The following DEFB123 variants were observed in gnomAD, a reference collection of about 807,000 sequenced individuals.
DEFB123 encodes the protein beta-defensin 123.
For missense variants in DEFB123, 71 were observed against 75.0 expected (o/e 0.95, Z 0.20); for synonymous variants, 22 against 28.3 (o/e 0.78, Z 0.71).
intron 1 of DEFB123, among the ~76,000 whole-genome samples, chr20:31,446,532 A>C (rs1462776325): frequency 6.6e-6 from 1 of 152,232 alleles, no homozygotes; most frequent in Non-Finnish European, 1.5e-5. Context: ...AGGGTTTCTC[A>C]GCACTTTGTT....
intron 1 of DEFB123, among the ~76,000 whole-genome samples, chr20:31,448,176 A>C (rs893584881): frequency 4.0e-5 from 6 of 151,866 alleles, no homozygotes; most frequent in African/African-American, 1.2e-4. Context: ...CAGCCTCCCA[A>C]AGTGCTGGGA....
intron 1 of DEFB123, among the ~76,000 whole-genome samples, chr20:31,449,767 C>CAAAAAAAAAAAAAAAAAAAAAAAAAAAAA: frequency 1.9e-5 from 1 of 52,486 alleles, no homozygotes; most frequent in Non-Finnish European, 4.0e-5. Flanking sequence ...AGACTCATCT[C>CAAAAAAAAAAAAAAAAAAAAAAAAAAAAA]AAAAAAAAAA....
At chr20:31,447,617 T>G (rs1024479815) in intron 1 of DEFB123, among the ~76,000 whole-genome samples, 1 of 141,012 alleles carries the variant, frequency 7.1e-6, no homozygotes, top group African/African-American at 2.8e-5. Flanking sequence ...TCTGTGTTGG[T>G]TTTTTTTTTT....
At chr20:31,441,637 G>A (rs973606204) in intron 1 of DEFB123, among the ~76,000 whole-genome samples, 4 of 152,144 alleles carry the variant, frequency 2.6e-5, no homozygotes, top group African/African-American at 7.2e-5. Flanking sequence ...ATTCCAGCAT[G>A]AGCCACCTAT....
At chr20:31,448,052 C>T (rs1600553850) in intron 1 of DEFB123, among the ~76,000 whole-genome samples, 1 of 152,056 alleles carries the variant, frequency 6.6e-6, no homozygotes, top group Non-Finnish European at 1.5e-5. Context: ...TCCCAAAGTG[C>T]TGGGATTACA....
At chr20:31,447,284 TAAAA>T (rs1437467759) in intron 1 of DEFB123, among the ~76,000 whole-genome samples, 1 of 151,910 alleles carries the variant, frequency 6.6e-6, no homozygotes, top group Non-Finnish European at 1.5e-5. Context: ...ATAATAAAAA[TAAAA>T]ATAAATAAAT....
At chr20:31,442,637 G>C (rs543821039) in intron 1 of DEFB123, among the ~76,000 whole-genome samples, 5 of 120,276 alleles carry the variant, frequency 4.2e-5, no homozygotes, top group Non-Finnish European at 6.4e-5. Context: ...GTCTTGCTCT[G>C]TCACCCAGGC....
chr20:31,443,349 T>G (rs1398436783), intron 1 of DEFB123, among the ~76,000 whole-genome samples: 1 of 152,188 alleles, frequency 6.6e-6, no homozygotes, highest in Non-Finnish European at 1.5e-5. Context: ...GGGGACCTTC[T>G]GGGTCTATTT....
intron 1 of DEFB123, 116 bp from the exon 2 acceptor site, chr20:31,449,913 G>T: frequency 7.6e-7 from 1 of 1,308,312 alleles, no homozygotes; most frequent in Non-Finnish European, 1.0e-6. Context: ...AGAGTCAAAG[G>T]CAAGGGAAAC....
At chr20:31,445,129 A>G (rs1044349620) in intron 1 of DEFB123, among the ~76,000 whole-genome samples, 10 of 152,208 alleles carry the variant, frequency 6.6e-5, no homozygotes, top group Non-Finnish European at 1.5e-4. Context: ...GTAAAATTCA[A>G]TGTGTTCCTC....
intron 1 of DEFB123, among the ~76,000 whole-genome samples, chr20:31,449,636 C>T (rs1002871271): frequency 1.3e-5 from 2 of 151,922 alleles, no homozygotes; most frequent in African/African-American, 4.8e-5. Context: ...GGCATAGTGG[C>T]ACATGTCTGT....
intron 1 of DEFB123, among the ~76,000 whole-genome samples, chr20:31,446,501 A>C (rs1180505045): frequency 1.3e-5 from 2 of 152,200 alleles, no homozygotes; most frequent in African/African-American, 4.8e-5. Flanking sequence ...AAAGTTTCCG[A>C]GAGTTGTGAT....
intron 1 of DEFB123, among the ~76,000 whole-genome samples, chr20:31,441,399 A>T (rs1461122599): frequency 6.6e-6 from 1 of 152,154 alleles, no homozygotes; most frequent in Non-Finnish European, 1.5e-5. Flanking sequence ...AGGGGAAAGC[A>T]GAAGGGTGTC....
At chr20:31,446,789 A>G (rs1474623181) in intron 1 of DEFB123, among the ~76,000 whole-genome samples, 1 of 152,048 alleles carries the variant, frequency 6.6e-6, no homozygotes, top group African/African-American at 2.4e-5. Flanking sequence ...ATTGTCATAC[A>G]TTTCTCTTCT....
Position 31,450,077 on chromosome 20 carries a change from G to T in DEFB123, c.107G>T (p.Cys36Phe). The T allele has an allele frequency of 6.2e-7, 1 of 1,612,198 alleles. No homozygotes were observed. Among genetic ancestry groups the T allele is most frequent in the Non-Finnish European group, 8.5e-7 (1 of 1,179,210 alleles). ...WNLYGKCRYR[C>F]SKKERVYVYC... The stretch of plus-strand genomic sequence containing the variant: ...CTTTATGGCAAATGCCGTTACAGAT[G>T]CTCCAAGAAGGAAAGAGTCTATGTT... Residue 36 changes from cysteine (C) to phenylalanine (F), a missense_variant, in exon 2 of 2, where the codon TGC (cysteine) becomes TTC (phenylalanine). Coordinates refer to ENST00000376309, the MANE Select transcript of DEFB123 (RefSeq NM_153324.4).
At position 31,450,055 on chromosome 20, in the gene DEFB123, T is replaced by TA. The variant is rs1979698945; in HGVS notation, c.86dup (p.Tyr29Ter). ...TGGCACCCAAAGATGCTGGAATCTT[T>TA]ATGGCAAATGCCGTTACAGATGCTC... The part of the protein sequence containing the change: ...PGGTQRCWNL[Y>*]GKCRYRCSKK... Residue 29 changes from tyrosine to a stop codon, truncating the protein, a stop_gained and frameshift_variant, in exon 2 of 2, where the codon TAT (tyrosine) becomes TAAT (stop). Transcript: ENST00000376309. LOFTEE classifies it low-confidence loss of function (END_TRUNC). The TA allele has an allele frequency of 1.2e-6, 2 of 1,611,422 alleles. No individual in the cohort carries two copies. Among genetic ancestry groups the TA allele is most frequent in the African/African-American group, 2.7e-5 (2 of 74,686 alleles).
intron 1 of DEFB123, among the ~76,000 whole-genome samples, chr20:31,449,767 C>CAAAAAAAAAAAAAAAAAAAAAAAAAAAA (rs59939526): frequency 1.9e-5 from 1 of 52,484 alleles, no homozygotes; most frequent in African/African-American, 5.4e-5. Context: ...AGACTCATCT[C>CAAAAAAAAAAAAAAAAAAAAAAAAAAAA]AAAAAAAAAA....
At chr20:31,443,378 C>G (rs963910068) in intron 1 of DEFB123, among the ~76,000 whole-genome samples, 1 of 152,198 alleles carries the variant, frequency 6.6e-6, no homozygotes, top group Non-Finnish European at 1.5e-5. Flanking sequence ...AGAGAGCTGA[C>G]AGTGATGCTC....
chr20:31,448,648 AGT>A (rs1287750693), intron 1 of DEFB123, among the ~76,000 whole-genome samples: 1 of 151,954 alleles, frequency 6.6e-6, no homozygotes, highest in Non-Finnish European at 1.5e-5. Flanking sequence ...AATCTCACTT[AGT>A]ATGTTTTTCA....
Sources: allele counts gnomAD v4.1 joint callset (sites outside exome capture counted in the v4.1 genomes callset), GRCh38; gene constraint gnomAD v4.1.1; transcripts MANE v1.5; gene names NCBI Gene and HGNC (gene_info 2026-07-23, HGNC 2026-07-21).